Variants in ADAMTS17 observed in about 807,000 individuals in gnomAD.
The protein encoded by ADAMTS17 is A disintegrin and metalloproteinase with thrombospondin motifs 17.
Under a neutral mutation model 141.5 loss-of-function variants are expected in ADAMTS17, and 113 were observed. The observed-to-expected ratio is 0.80, with a 90% CI of 0.69 to 0.93. The LOEUF (loss-of-function observed/expected upper bound fraction) is 0.93. Among genes scored for constraint, ADAMTS17 ranks in the 40% least tolerant of loss-of-function variants. The pLI, the probability that ADAMTS17 is intolerant of heterozygous loss-of-function variation, is 0.00. For missense variants in ADAMTS17, 1,659 were observed against 1,517.9 expected (o/e 1.09, Z -1.54); for synonymous variants, 768 against 630.6 (o/e 1.22, Z -3.27).
In ADAMTS17 at chr15:100,052,806, C is replaced by A. The variant is rs561721768; in HGVS notation, c.2296-1075G>T. Among the ~76,000 whole-genome samples the A allele has an allele frequency of 1.1e-4, 16 of 152,160 alleles. 1 individual carries two copies. The highest frequency in any genetic ancestry group is 3.1e-4 in the African/African-American group (13 of 41,434). On this transcript the variant is annotated intron_variant, in intron 16 of 21. Coordinates refer to ENST00000268070, the MANE Select transcript of ADAMTS17 (RefSeq NM_139057.4). ...AGGAACGTATTTGCAGTGGACTTAG[C>A]GGGCTGAGAGGTGCGCTGGCAGATT...
chr15:100,136,458 G>A (rs138788598), intron 10 of ADAMTS17, among the ~76,000 whole-genome samples: 45 of 152,250 alleles, frequency 3.0e-4, no homozygotes, highest in Non-Finnish European at 5.3e-4. Flanking sequence ...GAACAGATGC[G>A]GTGACTACAC....
intron 12 of ADAMTS17, among the ~76,000 whole-genome samples, chr15:100,130,451 A>T (rs1379250027): frequency 3.3e-5 from 5 of 152,318 alleles, no homozygotes; most frequent in Admixed American, 6.5e-5. Context: ...TGTTTTAATA[A>T]GACATAATTA....
At chr15:100,266,365 T>A (rs548738894) in intron 4 of ADAMTS17, among the ~76,000 whole-genome samples, 1 of 152,332 alleles carries the variant, frequency 6.6e-6, no homozygotes, top group African/African-American at 2.4e-5. Flanking sequence ...GCTGGGCGCC[T>A]GGCCCGATGG....
chr15:100,263,174 G>C (rs1313877704), intron 4 of ADAMTS17, among the ~76,000 whole-genome samples: 3 of 152,110 alleles, frequency 2.0e-5, no homozygotes, highest in Non-Finnish European at 4.4e-5. Flanking sequence ...TTCATGAAGG[G>C]GCTGGGGGAG....
At chr15:100,121,678 A>AT (rs1456548670) in intron 12 of ADAMTS17, among the ~76,000 whole-genome samples, 1 of 152,086 alleles carries the variant, frequency 6.6e-6, no homozygotes, top group Non-Finnish European at 1.5e-5. Flanking sequence ...CTAGACCTGC[A>AT]TTACAATAAA....
intron 2 of ADAMTS17, among the ~76,000 whole-genome samples, chr15:100,339,930 C>A (rs968082169): frequency 6.6e-6 from 1 of 152,212 alleles, no homozygotes; most frequent in Non-Finnish European, 1.5e-5. Flanking sequence ...CGTAGATTCT[C>A]GAGGACTCGC....
chr15:99,991,960 G>A (rs185585346), intron 20 of ADAMTS17, among the ~76,000 whole-genome samples: 2 of 152,196 alleles, frequency 1.3e-5, no homozygotes, highest in Admixed American at 1.3e-4. Flanking sequence ...CTCATAAGTG[G>A]GAGGTGAGCA....
chr15:100,155,775 G>A (rs914265186), intron 8 of ADAMTS17, among the ~76,000 whole-genome samples: 2 of 152,194 alleles, frequency 1.3e-5, no homozygotes, highest in Admixed American at 1.3e-4. Context: ...CTGAATCTAA[G>A]CCTTCCAACT....
chr15:100,284,006 G>A (rs946678875), intron 3 of ADAMTS17, among the ~76,000 whole-genome samples: 1 of 152,114 alleles, frequency 6.6e-6, no homozygotes, highest in African/African-American at 2.4e-5. Flanking sequence ...CTCGGGAGGC[G>A]AGGCAGGATA....
At chr15:100,073,944 AATT>A (rs1349814612) in intron 15 of ADAMTS17, 2 of 152,166 alleles carry the variant, frequency 1.3e-5, no homozygotes, top group African/African-American at 4.8e-5. Flanking sequence ...TCTATGTATT[AATT>A]TTGTACCCAA....
intron 18 of ADAMTS17, among the ~76,000 whole-genome samples, chr15:100,003,148 G>C (rs2060963893): frequency 6.6e-6 from 1 of 152,134 alleles, no homozygotes; most frequent in South Asian, 2.1e-4. Context: ...GGGGGACCTC[G>C]AGTCTCCCCA....
At chr15:100,166,234 G>T (rs1596163573) in intron 8 of ADAMTS17, among the ~76,000 whole-genome samples, 1 of 152,146 alleles carries the variant, frequency 6.6e-6, no homozygotes, top group South Asian at 2.1e-4. Flanking sequence ...ATGATTGCTT[G>T]TACTTAGGAA....
intron 2 of ADAMTS17, among the ~76,000 whole-genome samples, chr15:100,334,122 T>C (rs143557186): frequency 3.9e-5 from 6 of 152,278 alleles, no homozygotes; most frequent in Non-Finnish European, 8.8e-5. Context: ...AAGACAGAGT[T>C]GTAAATCAGG....
At chr15:100,138,071 C>T (rs1258389026) in intron 10 of ADAMTS17, among the ~76,000 whole-genome samples, 1 of 152,198 alleles carries the variant, frequency 6.6e-6, no homozygotes, top group Non-Finnish European at 1.5e-5. Context: ...TGGGGCTGGC[C>T]TATCTCAGAT....
chr15:100,269,115 T>C (rs550192523), intron 4 of ADAMTS17, among the ~76,000 whole-genome samples: 2 of 152,322 alleles, frequency 1.3e-5, no homozygotes, highest in Non-Finnish European at 2.9e-5. Flanking sequence ...TTTCACCATA[T>C]ACAAAAATGA....
chr15:100,322,313 G>C (rs1239253117), intron 3 of ADAMTS17, among the ~76,000 whole-genome samples: 1 of 152,166 alleles, frequency 6.6e-6, no homozygotes, highest in Non-Finnish European at 1.5e-5. Context: ...CCACAAAGGG[G>C]AAGCCGAAAA....
rs192863665 is a variant in ADAMTS17, at chr15:100,109,170, G to C, written c.1889-54C>G. On this transcript the variant is annotated intron_variant, in intron 13 of 21. Transcript: ENST00000268070. ...ACACGGGAAGGTGTGCGTGGGCCATGCAGGGCACAGGTACATGTGGGCAGA... is the reference window on the plus strand; with the variant it reads ...ACACGGGAAGGTGTGCGTGGGCCATCCAGGGCACAGGTACATGTGGGCAGA... 2.0e-4 allele frequency: 306 copies of C among 1,561,894 alleles called. No individual in the cohort carries two copies. The African/African-American group carries it at 3.6e-3, about 18-fold the overall frequency.
chr15:100,285,579 C>G (rs1026275948), intron 3 of ADAMTS17, among the ~76,000 whole-genome samples: 6 of 152,352 alleles, frequency 3.9e-5, no homozygotes, highest in African/African-American at 1.4e-4. Flanking sequence ...CTCTGCATCT[C>G]AAATTCTACC....
At chr15:100,341,444 G>T in intron 1 of ADAMTS17, 35 bp from the exon 2 acceptor site, 1 of 1,010,758 alleles carries the variant, frequency 9.9e-7, no homozygotes, top group Non-Finnish European at 1.2e-6. Context: ...AGCGCGGCGG[G>T]GCCCGCCCGG....
Sources: allele counts gnomAD v4.1 joint callset (sites outside exome capture counted in the v4.1 genomes callset), GRCh38; gene constraint gnomAD v4.1.1; transcripts MANE v1.5; gene names NCBI Gene and HGNC (gene_info 2026-07-23, HGNC 2026-07-21).